Variants in GRIN3A observed in about 807,000 individuals in gnomAD.
The protein encoded by GRIN3A is glutamate ionotropic receptor NMDA type subunit 3A.
GRIN3A carries 47 observed loss-of-function variants against 92.4 expected under a neutral mutation model. That is an observed-to-expected ratio of 0.51 (90% CI 0.40 to 0.65). The LOEUF is 0.65. Among genes scored for constraint, GRIN3A ranks in the 30% least tolerant of loss-of-function variants. The pLI is 0.00. For synonymous variants in GRIN3A, 527 were observed against 540.6 expected, an observed-to-expected ratio of 0.97 and a Z score of 0.35; for missense variants, 1,324 against 1,393.1, an observed-to-expected ratio of 0.95 and a Z score of 0.79.
chr9:101,630,417 A>T (rs1469669689), intron 3 of GRIN3A, among the ~76,000 whole-genome samples: 1 of 152,202 alleles, frequency 6.6e-6, no homozygotes, highest in Non-Finnish European at 1.5e-5. Context: ...GTAATCTTTG[A>T]CCTTTCCGTG....
intron 1 of GRIN3A, among the ~76,000 whole-genome samples, chr9:101,696,837 G>C (rs192888852): frequency 1.3e-5 from 2 of 152,090 alleles, no homozygotes; most frequent in African/African-American, 2.4e-5. Flanking sequence ...TCAGCTAAAC[G>C]CTGATTATTT....
intron 6 of GRIN3A, chr9:101,594,593 C>T (rs1564121492): frequency 6.2e-7 from 1 of 1,614,160 alleles, no homozygotes; most frequent in Non-Finnish European, 8.5e-7. Flanking sequence ...GAAGAGCTCC[C>T]CGTTGGAAAT....
At chr9:101,658,961 G>A (rs1829132265) in intron 3 of GRIN3A, among the ~76,000 whole-genome samples, 2 of 151,688 alleles carry the variant, frequency 1.3e-5, no homozygotes, top group African/African-American at 4.8e-5. Context: ...TCTGATTAGG[G>A]ATCAAAATAT....
At chr9:101,717,116 A>G (rs116526502) in intron 1 of GRIN3A, among the ~76,000 whole-genome samples, 2,757 of 152,322 alleles carry the variant, frequency 0.018, 95 homozygotes, top group African/African-American at 0.063. Context: ...TACTGTGCAT[A>G]TATGAATAAT....
intron 1 of GRIN3A, among the ~76,000 whole-genome samples, chr9:101,710,389 A>T (rs1829864128): frequency 6.6e-6 from 1 of 152,258 alleles, no homozygotes; most frequent in Non-Finnish European, 1.5e-5. Context: ...TGTCAAGTAT[A>T]TGCAAATACT....
intron 1 of GRIN3A, among the ~76,000 whole-genome samples, chr9:101,717,460 C>T (rs1829961738): frequency 6.6e-6 from 1 of 152,164 alleles, no homozygotes; most frequent in Non-Finnish European, 1.5e-5. Context: ...AAACAGATGG[C>T]TACCACACCC....
In GRIN3A at chr9:101,605,897, T is replaced by A. The variant is rs369161504; in HGVS notation, c.2766+7479A>T. On this transcript the variant is annotated intron_variant, in intron 6 of 8. Transcript: ENST00000361820. Reference sequence around the variant, plus strand: ...CAGTACTCAATAACAACGGAGGAGATCCCTGGATTCAGCAAGAAAATCTTG... The same window carrying A: ...CAGTACTCAATAACAACGGAGGAGAACCCTGGATTCAGCAAGAAAATCTTG... Among the ~76,000 whole-genome samples the A allele has an allele frequency of 3.2e-4, 48 of 152,294 alleles. 1 individual carries two copies. In the Middle Eastern group the frequency reaches 0.01, roughly 32 times the overall value.
chr9:101,677,104 A>G (rs1014816651), intron 2 of GRIN3A, among the ~76,000 whole-genome samples: 18 of 151,698 alleles, frequency 1.2e-4, no homozygotes, highest in Admixed American at 1.2e-3. Context: ...TCTTACAGCC[A>G]ATTTTGATAT....
chr9:101,683,847 TGAGAGAGAGAGAGAGA>T (rs55960998), intron 2 of GRIN3A, among the ~76,000 whole-genome samples: 3 of 136,222 alleles, frequency 2.2e-5, no homozygotes, highest in African/African-American at 3.0e-5. Flanking sequence ...AGAGAGACAG[TGAGAGAGAGAGAGAGA>T]GAGAGAGAGA....
chr9:101,623,427 A>T lies in GRIN3A; in HGVS notation c.2505T>A (p.Asp835Glu). ...TGATGAAGGCGTCTAGTTTCTCTGG[A>T]TCATTCCTATATTTAAGACCAGAGG... The part of the protein sequence containing the change: ...TPDGVEYLKN[D>E]PEKLDAFIMD... The change falls in exon 5 of 9, where the codon GAT (aspartate) becomes GAA (glutamate). Residue 835 changes from aspartate to glutamate, a missense_variant. Coordinates refer to ENST00000361820, the MANE Select transcript of GRIN3A (RefSeq NM_133445.3). 3.1e-6 allele frequency: 5 copies of T among 1,593,368 alleles called. No individual in the cohort carries two copies. The South Asian group carries it at 5.5e-5, about 18-fold the overall frequency.
chr9:101,723,349 G>A (rs572205196), intron 1 of GRIN3A, among the ~76,000 whole-genome samples: 39 of 151,990 alleles, frequency 2.6e-4, no homozygotes, highest in African/African-American at 8.4e-4. Flanking sequence ...AAGGCAGCGC[G>A]TCTGGAGTTG....
chr9:101,628,760 A>G (rs1488759676), intron 3 of GRIN3A, among the ~76,000 whole-genome samples: 1 of 152,190 alleles, frequency 6.6e-6, no homozygotes, highest in Non-Finnish European at 1.5e-5. Context: ...AGATTATGAT[A>G]CTCCTTGGTT....
At chr9:101,683,711 C>T (rs1456754422) in intron 2 of GRIN3A, among the ~76,000 whole-genome samples, 2 of 152,026 alleles carry the variant, frequency 1.3e-5, no homozygotes, top group Non-Finnish European at 2.9e-5. Flanking sequence ...GTCACTGACC[C>T]GGTGTAAATT....
At chr9:101,695,622 C>T (rs1564146632) in intron 1 of GRIN3A, among the ~76,000 whole-genome samples, 1 of 152,110 alleles carries the variant, frequency 6.6e-6, no homozygotes, top group Non-Finnish European at 1.5e-5. Context: ...CAGAACCTGA[C>T]AATTAAGGAA....
intron 3 of GRIN3A, among the ~76,000 whole-genome samples, chr9:101,632,195 C>A (rs1468358710): frequency 6.6e-6 from 1 of 152,202 alleles, no homozygotes; most frequent in East Asian, 1.9e-4. Context: ...ACTTCTTTGT[C>A]TAGCTAACTC....
At chr9:101,616,067 AC>A (rs1248552939) in intron 5 of GRIN3A, among the ~76,000 whole-genome samples, 1 of 152,164 alleles carries the variant, frequency 6.6e-6, no homozygotes, top group Non-Finnish European at 1.5e-5. Flanking sequence ...GACCATATCC[AC>A]CTTGGTCACT....
At chr9:101,589,665 C>T (rs981683539) in intron 6 of GRIN3A, among the ~76,000 whole-genome samples, 1 of 151,920 alleles carries the variant, frequency 6.6e-6, no homozygotes, top group African/African-American at 2.4e-5. Context: ...TGTTATGTTT[C>T]TCCCTTTTTA....
At chr9:101,614,908 G>A (rs1479488628) in intron 5 of GRIN3A, among the ~76,000 whole-genome samples, 2 of 151,706 alleles carry the variant, frequency 1.3e-5, no homozygotes, top group Non-Finnish European at 2.9e-5. Flanking sequence ...TATGAGCCAC[G>A]TGCCCAGCCT....
intron 3 of GRIN3A, among the ~76,000 whole-genome samples, chr9:101,654,174 C>T (rs1177872847): frequency 6.6e-6 from 1 of 151,564 alleles, no homozygotes; most frequent in East Asian, 1.9e-4. Context: ...TATTATCTTA[C>T]AGTCTTTGAA....
Sources: allele counts gnomAD v4.1 joint callset (sites outside exome capture counted in the v4.1 genomes callset), GRCh38; gene constraint gnomAD v4.1.1; transcripts MANE v1.5; gene names NCBI Gene and HGNC (gene_info 2026-07-23, HGNC 2026-07-21).